The following NSG2 variants were observed in gnomAD, a reference collection of about 807,000 sequenced individuals.
The protein encoded by NSG2 is neuronal vesicle trafficking-associated protein 2.
In NSG2, 4 loss-of-function variants were observed where a neutral mutation model predicts 16.9. That is an observed-to-expected ratio of 0.24 (90% CI 0.12 to 0.54). NSG2 has a LOEUF of 0.54. Ranked by LOEUF, NSG2 falls within the 20% of genes least tolerant of loss-of-function variation. The pLI is 0.95. For synonymous variants in NSG2, 98 were observed against 88.7 expected (o/e 1.11, Z -0.59); for missense variants, 179 against 221.1 (o/e 0.81, Z 1.21).
At chr5:174,059,769 C>G (rs1760021693) in intron 2 of NSG2, among the ~76,000 whole-genome samples, 1 of 152,264 alleles carries the variant, frequency 6.6e-6, no homozygotes. Context: ...CTGCCTTGTT[C>G]TTCTCCTGGT....
At chr5:174,080,214 A>G (rs79592298) in intron 3 of NSG2, among the ~76,000 whole-genome samples, 2,093 of 151,696 alleles carry the variant, frequency 0.014, 24 homozygotes, top group Non-Finnish European at 0.021. Context: ...ACACATCTTT[A>G]TATCTGTGTA....
intron 2 of NSG2, among the ~76,000 whole-genome samples, chr5:174,054,573 G>A (rs775221799): frequency 2.0e-4 from 30 of 152,022 alleles, no homozygotes; most frequent in Non-Finnish European, 3.8e-4. Flanking sequence ...TTTAATAGAC[G>A]GGGCCTTGTT....
At chr5:174,098,944 T>C (rs1200353531) in intron 3 of NSG2, among the ~76,000 whole-genome samples, 3 of 152,214 alleles carry the variant, frequency 2.0e-5, no homozygotes, top group Admixed American at 6.5e-5. Context: ...CCAAGGGCTT[T>C]AGAACGTCTC....
At position 174,108,886 on chromosome 5, in the gene NSG2, C is replaced by T. The variant is rs1222729813; in HGVS notation, c.*1381C>T. ...TATTTTTTTGTGGCTTGCTGTGTTG[C>T]TGAGATCATCGTATGCAACAGCTGG... is the stretch of plus-strand genomic sequence containing the variant. On this transcript the variant is annotated 3_prime_UTR_variant, in exon 5 of 5. Transcript: ENST00000303177. 1 of 152,766 alleles carries T rather than the reference C, an allele frequency of 6.5e-6. No homozygotes were observed. The highest frequency in any genetic ancestry group is 6.5e-5 in the Admixed American group (1 of 15,282). 9.5% of individuals were successfully genotyped at this position (152,766 alleles called of 1,614,324 possible). A position where few individuals can be genotyped will look rare whatever the true frequency, so the allele number is the denominator to read the frequency against.
At position 174,108,123 on chromosome 5, in the gene NSG2, A is replaced by G; in HGVS notation, c.*618A>G. 1 of 211,902 alleles carries G rather than the reference A, an allele frequency of 4.7e-6. No individual in the cohort carries two copies. The highest frequency in any genetic ancestry group is 9.5e-6 in the Non-Finnish European group (1 of 104,894). 13.1% of individuals were successfully genotyped at this position (211,902 alleles called of 1,614,324 possible). A position where few individuals can be genotyped will look rare whatever the true frequency, so the allele number is the denominator to read the frequency against. On this transcript the variant is annotated 3_prime_UTR_variant, in exon 5 of 5. Coordinates refer to ENST00000303177, the MANE Select transcript of NSG2 (RefSeq NM_015980.5). The stretch of plus-strand genomic sequence containing the variant: ...AGTGAAATGTGCTGGCCTCTGGTGC[A>G]TTTTGCAAGATGAGCACAAACTTTC...
chr5:174,089,811 G>C lies in NSG2; in HGVS notation c.214-14417G>C, dbSNP rs115433864. 8.7e-3 allele frequency among the ~76,000 whole-genome samples: 1,330 copies of C among 152,026 alleles called. 20 individuals carry two copies. Among genetic ancestry groups the C allele is most frequent in the African/African-American group, 0.03 (1,262 of 41,470 alleles). The stretch of plus-strand genomic sequence containing the variant: ...TACTTTTTTCTTTTTTGTAGAGATG[G>C]GATTTTGCTATGTTGCCCAGGCTGG... On this transcript the variant is annotated intron_variant, in intron 3 of 4. Coordinates refer to ENST00000303177, the MANE Select transcript of NSG2 (RefSeq NM_015980.5).
chr5:174,075,720 G>A (rs1413573646), intron 3 of NSG2, among the ~76,000 whole-genome samples: 1 of 152,206 alleles, frequency 6.6e-6, no homozygotes, highest in East Asian at 1.9e-4. Flanking sequence ...CTTTGCTCCT[G>A]CAATGCATGA....
At chr5:174,073,400 A>G (rs1358026350) in intron 3 of NSG2, among the ~76,000 whole-genome samples, 2 of 152,228 alleles carry the variant, frequency 1.3e-5, no homozygotes, top group African/African-American at 4.8e-5. Flanking sequence ...AAGTTATTAA[A>G]AACACTGCCT....
At position 174,108,759 on chromosome 5, in the gene NSG2, G is replaced by A. The variant is rs1484555521; in HGVS notation, c.*1254G>A. 1 of 152,542 alleles carries A rather than the reference G, an allele frequency of 6.6e-6. No homozygotes were observed. The highest frequency in any genetic ancestry group is 2.4e-5 in the African/African-American group (1 of 41,450). 9.4% of individuals were successfully genotyped at this position (152,542 alleles called of 1,614,324 possible). ...GTTTCAGGGAGGCCAGTTCTGCAGG[G>A]TGTCAGCTCCAGGACCCACAGGGCC... On this transcript the variant is annotated 3_prime_UTR_variant, in exon 5 of 5. Transcript: ENST00000303177.
chr5:174,103,529 C>T (rs1439067722), intron 3 of NSG2, among the ~76,000 whole-genome samples: 1 of 152,064 alleles, frequency 6.6e-6, no homozygotes, highest in African/African-American at 2.4e-5. Flanking sequence ...TGCAATGCAC[C>T]AGTGCTGGGG....
chr5:174,060,829 G>C (rs1760038562), intron 2 of NSG2, among the ~76,000 whole-genome samples: 1 of 152,204 alleles, frequency 6.6e-6, no homozygotes, highest in South Asian at 2.1e-4. Flanking sequence ...CTGCATGGCT[G>C]TCTTTCAGCA....
intron 3 of NSG2, among the ~76,000 whole-genome samples, chr5:174,076,915 C>T (rs187695881): frequency 1.3e-5 from 2 of 152,146 alleles, no homozygotes; most frequent in African/African-American, 2.4e-5. Flanking sequence ...CCAGCATGTT[C>T]GCTGGGTCTA....
chr5:174,070,007 A>T (rs1011458340), intron 3 of NSG2, among the ~76,000 whole-genome samples: 3 of 151,556 alleles, frequency 2.0e-5, no homozygotes, highest in Non-Finnish European at 4.4e-5. Context: ...CCTCCCAAAG[A>T]GCTGGGACTA....
At chr5:174,078,815 T>C (rs1038684990) in intron 3 of NSG2, among the ~76,000 whole-genome samples, 2 of 152,202 alleles carry the variant, frequency 1.3e-5, no homozygotes, top group Non-Finnish European at 2.9e-5. Context: ...CCATCCCAGA[T>C]ACCAAATCTC....
At chr5:174,048,922 C>G (rs12519214) in intron 2 of NSG2, among the ~76,000 whole-genome samples, 1 of 152,136 alleles carries the variant, frequency 6.6e-6, no homozygotes, top group East Asian at 1.9e-4. Context: ...TGATTGTCAT[C>G]ACACAGTCTT....
At chr5:174,099,825 G>A (rs974525846) in intron 3 of NSG2, among the ~76,000 whole-genome samples, 1 of 151,438 alleles carries the variant, frequency 6.6e-6, no homozygotes. Context: ...TGATGCCCCC[G>A]CCCCCAGGTT....
intron 3 of NSG2, among the ~76,000 whole-genome samples, chr5:174,091,533 A>G (rs1037681304): frequency 4.6e-5 from 7 of 152,118 alleles, no homozygotes; most frequent in Non-Finnish European, 8.8e-5. Context: ...GGCTTGCTCA[A>G]AGGGGAAGTC....
At chr5:174,104,135 A>G in intron 3 of NSG2, 93 bp from the exon 4 acceptor site, 1 of 864,572 alleles carries the variant, frequency 1.2e-6, no homozygotes, top group African/African-American at 1.6e-5. Flanking sequence ...CTAGCACACC[A>G]TGCTGCCTGC....
rs563904857 is a variant in NSG2 at position 174,058,067 on chromosome 5, A to C, written c.130-6165A>C. 3.3e-5 allele frequency among the ~76,000 whole-genome samples: 5 copies of C among 152,342 alleles called. No individual in the cohort carries two copies. The East Asian group carries it at 7.7e-4, about 24-fold the overall frequency. On this transcript the variant is annotated intron_variant, in intron 2 of 4. Coordinates refer to ENST00000303177, the MANE Select transcript of NSG2 (RefSeq NM_015980.5). ...TGAGACTAAAGGGAAGGGAGGAATC[A>C]TGAGAGATTCTGTGTTTGATTTGAC... is the stretch of plus-strand genomic sequence containing the variant.
Sources: allele counts gnomAD v4.1 joint callset (sites outside exome capture counted in the v4.1 genomes callset), GRCh38; gene constraint gnomAD v4.1.1; transcripts MANE v1.5; gene names NCBI Gene and HGNC (gene_info 2026-07-23, HGNC 2026-07-21).